ADGRL3: variants seen among roughly 807,000 people sequenced by gnomAD.
ADGRL3 encodes the protein adhesion G protein-coupled receptor L3.
In ADGRL3, 62 loss-of-function variants were observed where a neutral mutation model predicts 153.5. The ratio of observed to expected loss-of-function variants is 0.40; its 90% CI spans 0.33 to 0.50. ADGRL3 has a LOEUF of 0.50. Ranked by LOEUF, ADGRL3 falls within the 20% of genes least tolerant of loss-of-function variation. ADGRL3 has a pLI of 0.47. For missense variants in ADGRL3, 1,641 were observed against 1,859.4 expected (o/e 0.88, Z 2.16); for synonymous variants, 710 against 672.5 (o/e 1.06, Z -0.86).
rs1056126434 is a variant in ADGRL3, at chr4:61,200,783, G to A, written c.-1222G>A. On this transcript the variant is annotated 5_prime_UTR_variant, in exon 1 of 27. Transcript: ENST00000683033. ...GGGGAGTCGAAGAAGAGAAAGAACC[G>A]AAGAGACAGCGGCGGCGGCGCAGAG... Among the ~76,000 whole-genome samples the A allele has an allele frequency of 6.6e-6, 1 of 152,124 alleles. No homozygotes were observed. The highest frequency in any genetic ancestry group is 1.5e-5 in the Non-Finnish European group (1 of 68,026).
intron 1 of ADGRL3, among the ~76,000 whole-genome samples, chr4:61,349,435 A>G (rs2095994950): frequency 6.6e-6 from 1 of 152,142 alleles, no homozygotes; most frequent in Non-Finnish European, 1.5e-5. Flanking sequence ...ATTTTACAAA[A>G]TATAACAGCT....
chr4:61,287,378 T>C (rs183108074), intron 1 of ADGRL3, among the ~76,000 whole-genome samples: 112 of 152,062 alleles, frequency 7.4e-4, no homozygotes, highest in Non-Finnish European at 1.2e-3. Context: ...ACATTTCCAT[T>C]TTAATGCACT....
intron 8 of ADGRL3, among the ~76,000 whole-genome samples, chr4:61,763,086 CA>C (rs1261693545): frequency 6.6e-6 from 1 of 151,942 alleles, no homozygotes; most frequent in Non-Finnish European, 1.5e-5. Context: ...CTTTTTAAAT[CA>C]AAAACACATC....
chr4:61,550,157 A>C (rs1174761027), intron 4 of ADGRL3, among the ~76,000 whole-genome samples: 1 of 151,962 alleles, frequency 6.6e-6, no homozygotes, highest in African/African-American at 2.4e-5. Context: ...GTAATATATT[A>C]TTTGAAGATT....
chr4:61,703,714 C>T (rs1350175432), intron 6 of ADGRL3, among the ~76,000 whole-genome samples: 1 of 151,896 alleles, frequency 6.6e-6, no homozygotes, highest in Non-Finnish European at 1.5e-5. Context: ...CAGAGGGGGG[C>T]AGATGAAAGA....
At chr4:61,928,239 G>C (rs1052078779) in intron 13 of ADGRL3, among the ~76,000 whole-genome samples, 2 of 151,988 alleles carry the variant, frequency 1.3e-5, no homozygotes, top group Admixed American at 1.3e-4. Context: ...ATTGTTCCCA[G>C]CTTTCAAATG....
At chr4:62,005,781 T>C (rs887130272) in intron 21 of ADGRL3, among the ~76,000 whole-genome samples, 6 of 151,620 alleles carry the variant, frequency 4.0e-5, no homozygotes, top group Admixed American at 1.3e-4. Flanking sequence ...AATAATTAAC[T>C]TTTGTGTTCC....
At chr4:61,881,091 G>C (rs2098505860) in intron 9 of ADGRL3, among the ~76,000 whole-genome samples, 1 of 152,084 alleles carries the variant, frequency 6.6e-6, no homozygotes, top group Non-Finnish European at 1.5e-5. Context: ...TTTTTTTAAA[G>C]ATATATTTTG....
chr4:61,350,552 C>T (rs2151307597), intron 1 of ADGRL3, among the ~76,000 whole-genome samples: 1 of 152,166 alleles, frequency 6.6e-6, no homozygotes, highest in African/African-American at 2.4e-5. Context: ...CTTCATTGAA[C>T]AAGTCTTTTG....
intron 1 of ADGRL3, among the ~76,000 whole-genome samples, chr4:61,312,618 G>C (rs992660314): frequency 6.6e-6 from 1 of 152,098 alleles, no homozygotes; most frequent in African/African-American, 2.4e-5. Context: ...AAGATATACA[G>C]ATAAAAAATA....
chr4:61,965,630 A>T (rs187746628), intron 17 of ADGRL3, among the ~76,000 whole-genome samples: 6 of 152,146 alleles, frequency 3.9e-5, no homozygotes, highest in Admixed American at 3.9e-4. Context: ...AGGCACCTGT[A>T]GTCCCAGCTA....
intron 6 of ADGRL3, among the ~76,000 whole-genome samples, chr4:61,728,321 T>G (rs2096383256): frequency 6.6e-6 from 1 of 152,098 alleles, no homozygotes; most frequent in African/African-American, 2.4e-5. Flanking sequence ...CTACAGCTTA[T>G]GCCAATTTCT....
chr4:61,367,522 A>T (rs1245026768), intron 1 of ADGRL3, among the ~76,000 whole-genome samples: 1 of 151,260 alleles, frequency 6.6e-6, no homozygotes, highest in Non-Finnish European at 1.5e-5. Context: ...TTTACTGAGA[A>T]TGATGATTTC....
intron 16 of ADGRL3, among the ~76,000 whole-genome samples, chr4:61,947,362 T>A (rs535519835): frequency 6.6e-6 from 1 of 152,174 alleles, no homozygotes; most frequent in Non-Finnish European, 1.5e-5. Flanking sequence ...TGCTTCTCCA[T>A]AACTAAAAAG....
At chr4:61,965,158 C>T (rs1045010041) in intron 17 of ADGRL3, among the ~76,000 whole-genome samples, 4 of 151,834 alleles carry the variant, frequency 2.6e-5, no homozygotes, top group South Asian at 2.1e-4. Flanking sequence ...CCACCATGCC[C>T]GGCTAATTTT....
chr4:61,970,631 T>A (rs935651287), intron 17 of ADGRL3, among the ~76,000 whole-genome samples: 3 of 152,190 alleles, frequency 2.0e-5, no homozygotes, highest in African/African-American at 7.2e-5. Context: ...GAGCACACAC[T>A]TGCTAGTGTT....
intron 1 of ADGRL3, among the ~76,000 whole-genome samples, chr4:61,285,612 C>G (rs891989855): frequency 1.3e-5 from 2 of 151,806 alleles, no homozygotes; most frequent in Non-Finnish European, 2.9e-5. Context: ...CAAAGGAAAG[C>G]ATGTGTATTC....
chr4:61,269,319 T>A (rs753787542), intron 1 of ADGRL3, among the ~76,000 whole-genome samples: 1 of 151,656 alleles, frequency 6.6e-6, no homozygotes, highest in Non-Finnish European at 1.5e-5. Context: ...GTGCCCTTTT[T>A]AGAAGGTATT....
At chr4:61,855,031 G>GA (rs2098247002) in intron 9 of ADGRL3, among the ~76,000 whole-genome samples, 1 of 152,072 alleles carries the variant, frequency 6.6e-6, no homozygotes, top group East Asian at 1.9e-4. Context: ...AAGCTAAGAA[G>GA]ATATGACAAC....
Sources: allele counts gnomAD v4.1 joint callset (sites outside exome capture counted in the v4.1 genomes callset), GRCh38; gene constraint gnomAD v4.1.1; transcripts MANE v1.5; gene names NCBI Gene and HGNC (gene_info 2026-07-23, HGNC 2026-07-21).